Variants in WDR17 observed in about 807,000 individuals in gnomAD.
WDR17 encodes the protein WD repeat-containing protein 17.
WDR17 carries 143 observed loss-of-function variants against 161.7 expected under a neutral mutation model. The ratio of observed to expected loss-of-function variants is 0.88; its 90% CI spans 0.77 to 1.02. The LOEUF (loss-of-function observed/expected upper bound fraction) is 1.02, where lower values mean the gene tolerates loss of function less well. Among genes scored for constraint, WDR17 ranks in the 50% least tolerant of loss-of-function variants. The pLI, the probability that WDR17 is intolerant of heterozygous loss-of-function variation, is 0.00. For synonymous variants in WDR17, 517 were observed against 515.6 expected (o/e 1.00, Z -0.04); for missense variants, 1,469 against 1,520.9 (o/e 0.97, Z 0.57).
chr4:176,089,041 A>G (rs1283273272), intron 1 of WDR17, among the ~76,000 whole-genome samples: 1 of 152,160 alleles, frequency 6.6e-6, no homozygotes, highest in Non-Finnish European at 1.5e-5. Context: ...CTGTATCTCT[A>G]TGTGGACATG....
rs185749909 is a variant in WDR17 at position 176,122,110 on chromosome 4, C to G, written c.538+2013C>G. On this transcript the variant is annotated intron_variant, in intron 4 of 28. Transcript: ENST00000508596. ...AAGGTGTCAAGAGGGCCATGCTCCC[C>G]CTGAAGGCCCAAAGAAAGGATCTGT... Among the ~76,000 whole-genome samples, 594 of 152,262 alleles carry G rather than the reference C, an allele frequency of 3.9e-3. 5 individuals carry two copies. Among genetic ancestry groups the G allele is most frequent in the African/African-American group, 0.013 (556 of 41,530 alleles).
At chr4:176,102,883 G>C (rs1158799561) in intron 1 of WDR17, among the ~76,000 whole-genome samples, 1 of 152,098 alleles carries the variant, frequency 6.6e-6, no homozygotes, top group African/African-American at 2.4e-5. Flanking sequence ...TCAAGCCCCA[G>C]GGCAGACAAG....
chr4:176,176,478 T>C (rs1488299870), intron 26 of WDR17, among the ~76,000 whole-genome samples: 3 of 152,138 alleles, frequency 2.0e-5, no homozygotes, highest in Non-Finnish European at 4.4e-5. Flanking sequence ...CCCTCCCGTC[T>C]CCTTTCTATA....
intron 22 of WDR17, among the ~76,000 whole-genome samples, chr4:176,165,747 A>G (rs1362898950): frequency 1.3e-5 from 2 of 152,200 alleles, no homozygotes; most frequent in Non-Finnish European, 2.9e-5. Flanking sequence ...AACTCATAAC[A>G]TAGTATGTTA....
chr4:176,105,784 C>A (rs2126674666), intron 1 of WDR17, among the ~76,000 whole-genome samples: 1 of 151,676 alleles, frequency 6.6e-6, no homozygotes, highest in East Asian at 1.9e-4. Flanking sequence ...AAATTAGCAA[C>A]CTATTTTTAC....
At chr4:176,179,139 A>G (rs73005163) in intron 28 of WDR17, among the ~76,000 whole-genome samples, 2,409 of 152,296 alleles carry the variant, frequency 0.016, 72 homozygotes, top group African/African-American at 0.055. Flanking sequence ...CTTTTATAGA[A>G]TAGGTAAACT....
chr4:176,074,996 T>C (rs535390557), intron 1 of WDR17, among the ~76,000 whole-genome samples: 1 of 151,990 alleles, frequency 6.6e-6, no homozygotes, highest in South Asian at 2.1e-4. Flanking sequence ...CTGTATATCC[T>C]TTTAGTTTTT....
chr4:176,169,086 TG>T (rs1750318792), intron 23 of WDR17, among the ~76,000 whole-genome samples: 1 of 152,182 alleles, frequency 6.6e-6, no homozygotes, highest in African/African-American at 2.4e-5. Flanking sequence ...TAGTTAGCGG[TG>T]GAGTGAGAAT....
At chr4:176,103,326 A>C (rs918218451) in intron 1 of WDR17, among the ~76,000 whole-genome samples, 1 of 152,102 alleles carries the variant, frequency 6.6e-6, no homozygotes, top group African/African-American at 2.4e-5. Context: ...ATAAAAACAA[A>C]AACAGCAAAC....
At chr4:176,152,595 C>CAAAAA (rs34451055) in intron 17 of WDR17, among the ~76,000 whole-genome samples, 24 of 37,236 alleles carry the variant, frequency 6.4e-4, no homozygotes, top group Non-Finnish European at 8.8e-4. Flanking sequence ...AACTCCATCT[C>CAAAAA]AAAAAAAAAA....
At chr4:176,086,456 T>C (rs1353942452) in intron 1 of WDR17, among the ~76,000 whole-genome samples, 1 of 151,958 alleles carries the variant, frequency 6.6e-6, no homozygotes, top group Non-Finnish European at 1.5e-5. Context: ...TCTTGCTTTA[T>C]ATAATTGAAA....
intron 3 of WDR17, among the ~76,000 whole-genome samples, chr4:176,118,037 C>CT (rs1740916524): frequency 6.6e-6 from 1 of 151,876 alleles, no homozygotes; most frequent in South Asian, 2.1e-4. Flanking sequence ...TTCTAATAAT[C>CT]TAACAATCCA....
At chr4:176,167,998 T>G (rs978073461) in intron 22 of WDR17, among the ~76,000 whole-genome samples, 1 of 151,436 alleles carries the variant, frequency 6.6e-6, no homozygotes, top group African/African-American at 2.4e-5. Flanking sequence ...AATACAAAAA[T>G]TGCCCGGGCA....
chr4:176,103,270 A>G (rs1277033188), intron 1 of WDR17, among the ~76,000 whole-genome samples: 1 of 152,160 alleles, frequency 6.6e-6, no homozygotes, highest in Non-Finnish European at 1.5e-5. Flanking sequence ...CCTGAGGATG[A>G]TCCTTGACAC....
intron 4 of WDR17, among the ~76,000 whole-genome samples, chr4:176,122,804 G>A (rs1741820419): frequency 6.6e-6 from 1 of 152,242 alleles, no homozygotes; most frequent in East Asian, 1.9e-4. Context: ...ATATTCATGA[G>A]AACTAGCCAC....
Position 176,150,058 on chromosome 4 carries a change from C to A in WDR17, c.2063C>A (p.Pro688Gln), listed in dbSNP as rs1746867584. The change falls in exon 15 of 29, where the codon CCA becomes CAA. Residue 688 changes from proline (P) to glutamine (Q), a missense_variant. Coordinates refer to ENST00000508596, the MANE Select transcript of WDR17 (RefSeq NM_181265.4). ...IIGNTDYAIE[P>Q]GTPPLLCGKV... is the part of the protein sequence containing the mutation. Reference sequence around the variant, plus strand: ...TGTTCTTCAGATTATGCTATAGAACCAGGCACTCCTCCTCTACTGTGTGGT... The same window carrying A: ...TGTTCTTCAGATTATGCTATAGAACAAGGCACTCCTCCTCTACTGTGTGGT... 1 of 1,613,696 alleles carries A rather than the reference C, an allele frequency of 6.2e-7. No individual in the cohort carries two copies. The highest frequency in any genetic ancestry group is 1.1e-5 in the South Asian group (1 of 91,004).
intron 18 of WDR17, among the ~76,000 whole-genome samples, chr4:176,159,627 A>G (rs976501259): frequency 2.6e-5 from 4 of 152,190 alleles, no homozygotes; most frequent in African/African-American, 7.2e-5. Flanking sequence ...GTCTTTAACA[A>G]TGTAGATACC....
chr4:176,135,694 A>T (rs1314769095), intron 8 of WDR17, among the ~76,000 whole-genome samples: 3 of 151,606 alleles, frequency 2.0e-5, no homozygotes, highest in Non-Finnish European at 4.4e-5. Flanking sequence ...CCACCTTTGA[A>T]GTATTGAAGA....
intron 1 of WDR17, among the ~76,000 whole-genome samples, chr4:176,101,884 G>A (rs747583720): frequency 6.6e-6 from 1 of 152,096 alleles, no homozygotes; most frequent in Non-Finnish European, 1.5e-5. Context: ...AACCCAAAAT[G>A]CGGCATAGAA....
Sources: allele counts gnomAD v4.1 joint callset (sites outside exome capture counted in the v4.1 genomes callset), GRCh38; gene constraint gnomAD v4.1.1; transcripts MANE v1.5; gene names NCBI Gene and HGNC (gene_info 2026-07-23, HGNC 2026-07-21).